Variants in PRDX3 observed in about 807,000 individuals in gnomAD.
PRDX3 encodes the protein peroxiredoxin 3, also known as thioredoxin-dependent peroxide reductase, mitochondrial.
PRDX3 carries 20 observed loss-of-function variants against 30.4 expected under a neutral mutation model. The observed-to-expected ratio is 0.66, with a 90% CI of 0.46 to 0.96. The LOEUF (loss-of-function observed/expected upper bound fraction) is 0.96. PRDX3 is among the 40% of genes least tolerant of loss of function. The pLI is 0.00. For missense variants in PRDX3, 322 were observed against 318.3 expected, an observed-to-expected ratio of 1.01 and a Z score of -0.09; for synonymous variants, 124 against 117.8, an observed-to-expected ratio of 1.05 and a Z score of -0.34.
intron 2 of PRDX3, among the ~76,000 whole-genome samples, chr10:119,176,574 TAC>T (rs1848032629): frequency 6.6e-6 from 1 of 152,178 alleles, no homozygotes; most frequent in South Asian, 2.1e-4. Flanking sequence ...TCGCTCAGAT[TAC>T]AGATACCATT....
In PRDX3 at chr10:119,178,765, A is replaced by T; in HGVS notation, c.26T>A (p.Leu9His). The T allele has an allele frequency of 6.4e-7, 1 of 1,552,730 alleles. No homozygotes were observed. The highest frequency in any genetic ancestry group is 8.7e-7 in the Non-Finnish European group (1 of 1,148,136). The change falls in exon 1 of 7, where the codon CTC becomes CAC. Residue 9 changes from leucine to histidine, a missense_variant. Physicochemically the swap from Leu to His is moderately conservative, Grantham distance 99. Coordinates refer to ENST00000298510, the MANE Select transcript of PRDX3 (RefSeq NM_006793.5). MAAAVGRLLRASVARHVSA... is the reference protein window; with the variant it reads MAAAVGRLHRASVARHVSA... ...CCGACAGCCACTCACCGACGCTCGGAGCAACCGTCCTACAGCAGCCGCCAT... is the reference window on the plus strand; with the variant it reads ...CCGACAGCCACTCACCGACGCTCGGTGCAACCGTCCTACAGCAGCCGCCAT...
chr10:119,178,194 CAG>C (rs2133668306), intron 1 of PRDX3, among the ~76,000 whole-genome samples: 1 of 152,062 alleles, frequency 6.6e-6, no homozygotes, highest in East Asian at 1.9e-4. Flanking sequence ...CAAAATGACT[CAG>C]GAGAACGAAA....
Position 119,168,369 on chromosome 10 carries a change from A to G in PRDX3, c.*111T>C. On this transcript the variant is annotated 3_prime_UTR_variant, in exon 7 of 7. Coordinates refer to ENST00000298510, the MANE Select transcript of PRDX3 (RefSeq NM_006793.5). ...CATTTAGAGTAATACTTATGAATAC[A>G]AGCATAATTGGTTCCTTGCCTTCTA... The G allele has an allele frequency of 6.4e-7, 1 of 1,553,604 alleles. No individual in the cohort carries two copies.
chr10:119,176,273 G>A (rs911602012), intron 2 of PRDX3, among the ~76,000 whole-genome samples: 3 of 152,182 alleles, frequency 2.0e-5, no homozygotes, highest in African/African-American at 4.8e-5. Context: ...TGGGGATGAG[G>A]ATTCGAAACC....
intron 4 of PRDX3, among the ~76,000 whole-genome samples, chr10:119,173,021 C>T (rs1480430069): frequency 1.3e-5 from 2 of 152,148 alleles, no homozygotes; most frequent in Admixed American, 1.3e-4. Flanking sequence ...TCATGGCAAC[C>T]ACCGCCTCCT....
intron 2 of PRDX3, 39 bp downstream of exon 2, chr10:119,176,976 TTTTTCC>T (rs1848044117): frequency 6.2e-7 from 1 of 1,610,886 alleles, no homozygotes; most frequent in African/African-American, 1.3e-5. Flanking sequence ...CGATGGTTCA[TTTTTCC>T]TTTACCTGGC....
chr10:119,175,629 T>C (rs2133662442), intron 2 of PRDX3, among the ~76,000 whole-genome samples: 1 of 152,190 alleles, frequency 6.6e-6, no homozygotes, highest in East Asian at 1.9e-4. Flanking sequence ...TCTCCTGACC[T>C]CGTGATCTGC....
chr10:119,174,839 A>T (rs1589664765), intron 2 of PRDX3: 1 of 429,598 alleles, frequency 2.3e-6, no homozygotes, highest in East Asian at 3.7e-5. Flanking sequence ...TAATCCACAC[A>T]CACCCTCCAG....
At position 119,177,122 on chromosome 10, in the gene PRDX3, C is replaced by T. The variant is rs1458298639; in HGVS notation, c.68G>A (p.Gly23Asp). ...VARHVSAIPW[G>D]ISATAALRPA... ...CCTGAGGGCTGCAGTGGCAGAAATG[C>T]CCCAAGGAATGGCACTCACATGTCG... is the stretch of plus-strand genomic sequence containing the variant. The change falls in exon 2 of 7, where the codon GGC becomes GAC. Residue 23 changes from glycine (G) to aspartate (D), a missense_variant. Physicochemically the swap from Gly to Asp is moderately conservative, Grantham distance 94 (BLOSUM62 -1). Coordinates refer to ENST00000298510, the MANE Select transcript of PRDX3 (RefSeq NM_006793.5). 1 of 1,613,520 alleles carries T rather than the reference C, an allele frequency of 6.2e-7. No individual in the cohort carries two copies. The highest frequency in any genetic ancestry group is 8.5e-7 in the Non-Finnish European group (1 of 1,179,860).
chr10:119,169,896 T>A (rs931862018), intron 5 of PRDX3: 1 of 152,572 alleles, frequency 6.6e-6, no homozygotes, highest in Admixed American at 6.5e-5. Context: ...CAGCATGTAA[T>A]GAGATGAACC....
At chr10:119,171,892 C>G (rs778752155) in intron 5 of PRDX3, among the ~76,000 whole-genome samples, 4 of 152,214 alleles carry the variant, frequency 2.6e-5, no homozygotes, top group Non-Finnish European at 5.9e-5. Context: ...GCTAGTCCCC[C>G]CTTCTGCAGA....
chr10:119,173,346 A>C (rs1564837900), intron 4 of PRDX3, among the ~76,000 whole-genome samples: 1 of 152,204 alleles, frequency 6.6e-6, no homozygotes, highest in Non-Finnish European at 1.5e-5. Context: ...GTGGTGGCTC[A>C]TGCCTGTAAT....
At chr10:119,178,066 T>G (rs1022215185) in intron 1 of PRDX3, among the ~76,000 whole-genome samples, 1 of 151,842 alleles carries the variant, frequency 6.6e-6, no homozygotes, top group Non-Finnish European at 1.5e-5. Flanking sequence ...CTCACTATTA[T>G]TGTCCAGGCT....
Position 119,169,605 on chromosome 10 carries a change from A to T in PRDX3, c.552-263T>A, listed in dbSNP as rs958180144. The T allele has an allele frequency of 9.4e-6, 3 of 320,828 alleles. No homozygotes were observed. In the Admixed American group the frequency reaches 1.3e-4, roughly 14 times the overall value. The allele number at this position is 320,828 out of a possible 1,614,324, so 19.9% of individuals were successfully genotyped here. A position where few individuals can be genotyped will look rare whatever the true frequency, so the allele number is the denominator to read the frequency against. ...CTTACAAGTTCACATAGTGCCCTGA[A>T]TGTTACACAGTATCGGAAAGTCACT... On this transcript the variant is annotated intron_variant, in intron 5 of 6. Coordinates refer to ENST00000298510, the MANE Select transcript of PRDX3 (RefSeq NM_006793.5).
At chr10:119,177,369 A>G (rs926163333) in intron 1 of PRDX3, among the ~76,000 whole-genome samples, 5 of 152,146 alleles carry the variant, frequency 3.3e-5, no homozygotes, top group African/African-American at 1.2e-4. Flanking sequence ...CTATAAGAAC[A>G]CAAAGACCGG....
chr10:119,178,705 C>T, intron 1 of PRDX3, 50 bp downstream of exon 1: 1 of 1,549,190 alleles, frequency 6.5e-7, no homozygotes, highest in Non-Finnish European at 8.7e-7. Context: ...GAAGCACGTT[C>T]CCGGAGCCAC....
chr10:119,170,457 C>T (rs142094279), intron 5 of PRDX3: 6 of 152,172 alleles, frequency 3.9e-5, no homozygotes, highest in South Asian at 4.1e-4. Flanking sequence ...AATATTAAAA[C>T]GGGTACAGAG....
At position 119,174,550 on chromosome 10, in the gene PRDX3, T is replaced by C. The variant is rs11554910; in HGVS notation, c.212A>G (p.Tyr71Cys). ...HAPAVTQHAP[Y>C]FKGTAVVNGE... ...ATTGACAACGGCTGTACCCTTAAAA[T>C]AGGGTGCATGCTGGGTGACAGCAGG... Residue 71 changes from tyrosine (Y) to cysteine (C), a missense_variant, in exon 3 of 7, where the codon TAT becomes TGT. By Grantham distance (194) the Tyr-to-Cys change is radical (BLOSUM62 -2). Coordinates refer to ENST00000298510, the MANE Select transcript of PRDX3 (RefSeq NM_006793.5). 4 of 1,611,390 alleles carry C rather than the reference T, an allele frequency of 2.5e-6. No homozygotes were observed. In the Admixed American group the frequency reaches 5.1e-5, roughly 20 times the overall value.
At chr10:119,176,753 G>A (rs1159568341) in intron 2 of PRDX3, among the ~76,000 whole-genome samples, 1 of 152,152 alleles carries the variant, frequency 6.6e-6, no homozygotes, top group Admixed American at 6.5e-5. Flanking sequence ...TCAACACAGT[G>A]GATTAGAAAC....
Sources: allele counts gnomAD v4.1 joint callset (sites outside exome capture counted in the v4.1 genomes callset), GRCh38; gene constraint gnomAD v4.1.1; transcripts MANE v1.5; gene names NCBI Gene and HGNC (gene_info 2026-07-23, HGNC 2026-07-21).